EXT1: variants seen among roughly 807,000 people sequenced by gnomAD.
EXT1 encodes exostosin glycosyltransferase 1.
In EXT1, 20 loss-of-function variants were observed where a neutral mutation model predicts 82.5. The observed-to-expected ratio is 0.24, with a 90% CI of 0.17 to 0.35. The LOEUF is 0.35. EXT1 is among the 10% of genes least tolerant of loss of function. The pLI is 1.00. For synonymous variants in EXT1, 348 were observed against 350.8 expected (o/e 0.99, Z 0.09); for missense variants, 757 against 936.5 (o/e 0.81, Z 2.50).
At chr8:117,960,481 A>G (rs1814678005) in intron 1 of EXT1, among the ~76,000 whole-genome samples, 1 of 152,170 alleles carries the variant, frequency 6.6e-6, no homozygotes, top group Non-Finnish European at 1.5e-5. Context: ...CACCACCACC[A>G]TCACCCTGTC....
At chr8:117,956,257 A>G (rs74424760) in intron 1 of EXT1, among the ~76,000 whole-genome samples, 3 of 151,872 alleles carry the variant, frequency 2.0e-5, no homozygotes, top group African/African-American at 7.3e-5. Flanking sequence ...CCCAGAAGTA[A>G]TCACTTCCAC....
At chr8:118,102,766 A>G (rs893788192) in intron 1 of EXT1, among the ~76,000 whole-genome samples, 1 of 152,276 alleles carries the variant, frequency 6.6e-6, no homozygotes, top group Non-Finnish European at 1.5e-5. Flanking sequence ...GAATTAGGAA[A>G]GAAATTTAAT....
chr8:117,947,828 A>G (rs1453774058), intron 1 of EXT1, among the ~76,000 whole-genome samples: 2 of 152,250 alleles, frequency 1.3e-5, no homozygotes, highest in Admixed American at 1.3e-4. Flanking sequence ...GCAAGTAATT[A>G]TATCTGAGTA....
At chr8:118,000,836 T>C (rs982548840) in intron 1 of EXT1, among the ~76,000 whole-genome samples, 1 of 151,970 alleles carries the variant, frequency 6.6e-6, no homozygotes, top group African/African-American at 2.4e-5. Flanking sequence ...CAAGAGAGAC[T>C]GAGATTCTAT....
intron 1 of EXT1, among the ~76,000 whole-genome samples, chr8:117,937,655 T>C (rs911206286): frequency 2.6e-5 from 4 of 152,238 alleles, no homozygotes; most frequent in African/African-American, 9.6e-5. Flanking sequence ...CTGTAAGGTT[T>C]TTCCCCTGTA....
intron 4 of EXT1, 35 bp downstream of exon 4, chr8:117,830,195 T>C: frequency 1.2e-6 from 2 of 1,613,416 alleles, no homozygotes; most frequent in Non-Finnish European, 8.5e-7. Flanking sequence ...TAAAGGACCA[T>C]TATTCAAGCC....
intron 1 of EXT1, among the ~76,000 whole-genome samples, chr8:118,014,154 T>C (rs1428170712): frequency 1.3e-5 from 2 of 152,216 alleles, no homozygotes; most frequent in East Asian, 3.8e-4. Flanking sequence ...AATGTTAGCC[T>C]TCTTTGCTCT....
rs1813731698 is a variant in EXT1 at position 117,915,566 on chromosome 8, T to C, written c.963-78365A>G. Among the ~76,000 whole-genome samples, 3 of 152,128 alleles carry C rather than the reference T, an allele frequency of 2.0e-5. No homozygotes were observed. The South Asian group carries it at 6.2e-4, about 32-fold the overall frequency. On this transcript the variant is annotated intron_variant, in intron 1 of 10. Coordinates refer to ENST00000378204, the MANE Select transcript of EXT1 (RefSeq NM_000127.3). The stretch of plus-strand genomic sequence containing the variant: ...AATAACAAACAATATATCAAATCAC[T>C]ATTTGAGGTCAGGCACGGTGGCTTA...
At chr8:117,911,615 C>A (rs184112441) in intron 1 of EXT1, among the ~76,000 whole-genome samples, 1 of 152,144 alleles carries the variant, frequency 6.6e-6, no homozygotes, top group Non-Finnish European at 1.5e-5. Flanking sequence ...AGAAGGCCAA[C>A]GGTGGACCTA....
intron 1 of EXT1, among the ~76,000 whole-genome samples, chr8:118,105,347 C>T (rs1299695661): frequency 6.6e-6 from 1 of 152,198 alleles, no homozygotes; most frequent in Non-Finnish European, 1.5e-5. Context: ...ATGGGCAGGA[C>T]CTGCCCAAAC....
intron 1 of EXT1, among the ~76,000 whole-genome samples, chr8:117,845,198 C>A (rs1812333486): frequency 6.6e-6 from 1 of 152,200 alleles, no homozygotes; most frequent in South Asian, 2.1e-4. Context: ...CTATGGGAGG[C>A]ATTCACTCTC....
At chr8:118,094,356 A>C (rs1479370218) in intron 1 of EXT1, among the ~76,000 whole-genome samples, 1 of 152,222 alleles carries the variant, frequency 6.6e-6, no homozygotes, top group Non-Finnish European at 1.5e-5. Flanking sequence ...TTGCCAAACC[A>C]CCAGGAGCTT....
intron 1 of EXT1, among the ~76,000 whole-genome samples, chr8:117,970,089 T>A (rs1814907524): frequency 6.6e-6 from 1 of 152,174 alleles, no homozygotes; most frequent in Admixed American, 6.5e-5. Flanking sequence ...AACCAGATAG[T>A]CTTTAGGTGG....
chr8:117,942,180 CTTCT>C (rs1449933986), intron 1 of EXT1, among the ~76,000 whole-genome samples: 2 of 152,160 alleles, frequency 1.3e-5, no homozygotes, highest in African/African-American at 4.8e-5. Context: ...AGCTTCATTC[CTTCT>C]ATTAAGTCTG....
At chr8:118,090,845 C>T (rs1291959391) in intron 1 of EXT1, among the ~76,000 whole-genome samples, 1 of 135,866 alleles carries the variant, frequency 7.4e-6, no homozygotes, top group Non-Finnish European at 1.5e-5. Context: ...AGAATTATAT[C>T]CTTGTGAATC....
intron 1 of EXT1, among the ~76,000 whole-genome samples, chr8:117,958,020 G>GAACCTAA (rs2129710493): frequency 6.6e-6 from 1 of 152,204 alleles, no homozygotes; most frequent in Admixed American, 6.5e-5. Flanking sequence ...GGTAAAGGTG[G>GAACCTAA]AACCTAATGG....
intron 1 of EXT1, among the ~76,000 whole-genome samples, chr8:118,084,699 G>C (rs1461112097): frequency 6.6e-6 from 1 of 152,164 alleles, no homozygotes; most frequent in Non-Finnish European, 1.5e-5. Context: ...CATGGCATTA[G>C]GGAAGCGTTT....
At chr8:118,073,104 T>C (rs563974190) in intron 1 of EXT1, among the ~76,000 whole-genome samples, 27 of 152,362 alleles carry the variant, frequency 1.8e-4, no homozygotes, top group African/African-American at 6.0e-4. Flanking sequence ...TATCGAAATA[T>C]GTAAAAGTTG....
At chr8:117,831,128 T>C (rs1812093008) in intron 3 of EXT1, among the ~76,000 whole-genome samples, 2 of 152,176 alleles carry the variant, frequency 1.3e-5, no homozygotes, top group Admixed American at 1.3e-4. Flanking sequence ...TCATTATTTT[T>C]AATGGTAGTA....
Sources: gnomAD v4.1 joint callset for allele counts (sites outside exome capture counted in the v4.1 genomes callset) on GRCh38, gnomAD v4.1.1 for gene constraint, MANE v1.5 for transcripts, NCBI Gene and HGNC (gene_info 2026-07-23, HGNC 2026-07-21) for gene names.